RYR3: variants seen among roughly 807,000 people sequenced by gnomAD.
RYR3 encodes the protein ryanodine receptor 3, also known as brain ryanodine receptor-calcium release channel.
RYR3 carries 207 observed loss-of-function variants against 584.3 expected under a neutral mutation model. The ratio of observed to expected loss-of-function variants is 0.35; its 90% confidence interval spans 0.32 to 0.40. The LOEUF is 0.40. RYR3 is among the 10% of genes least tolerant of loss of function. The probability of loss-of-function intolerance (pLI) is 1.00; values close to 1 mark genes in which losing one functional copy is unlikely to be tolerated. For synonymous variants in RYR3, 2,416 were observed against 2,248.5 expected (o/e 1.07, Z -2.11); for missense variants, 5,616 against 6,089.2 (o/e 0.92, Z 2.59).
intron 1 of RYR3, among the ~76,000 whole-genome samples, chr15:33,356,109 G>T (rs532043000): frequency 3.9e-5 from 6 of 152,120 alleles, no homozygotes; most frequent in African/African-American, 1.2e-4. Flanking sequence ...ATACGATGAG[G>T]TTCCATGAAT....
intron 82 of RYR3, among the ~76,000 whole-genome samples, chr15:33,826,024 C>T (rs898030870): frequency 3.9e-5 from 6 of 152,180 alleles, no homozygotes; most frequent in East Asian, 1.9e-4. Context: ...CGTGAGCCAC[C>T]GCACCTGGCC....
At chr15:33,442,200 A>G (rs1177707689) in intron 1 of RYR3, among the ~76,000 whole-genome samples, 3 of 152,238 alleles carry the variant, frequency 2.0e-5, no homozygotes, top group African/African-American at 7.2e-5. Context: ...CTCCAATGAT[A>G]CATTAATTAA....
chr15:33,706,068 C>T (rs1213069099), intron 42 of RYR3, among the ~76,000 whole-genome samples: 1 of 152,052 alleles, frequency 6.6e-6, no homozygotes, highest in Non-Finnish European at 1.5e-5. Context: ...GAATTGGAGG[C>T]TCTTTCTAGC....
In RYR3 at chr15:33,757,712, G is replaced by A. The variant is rs575768808; in HGVS notation, c.8705+116G>A. On this transcript the variant is annotated intron_variant, in intron 60 of 103. Coordinates refer to ENST00000634891, the MANE Select transcript of RYR3 (RefSeq NM_001036.6). ...AGAAATGAAACTGGATGATGTTTTG[G>A]TTTGTCATCTGAGTTTCGAAAGAAA... 1.5e-5 allele frequency: 18 copies of A among 1,187,906 alleles called. No individual in the cohort carries two copies. The South Asian group carries it at 1.6e-4, about 10-fold the overall frequency. The allele number at this position is 1,187,906 out of a possible 1,614,324, so 73.6% of individuals were successfully genotyped here.
At chr15:33,414,122 C>G (rs150307714) in intron 1 of RYR3, among the ~76,000 whole-genome samples, 1 of 152,160 alleles carries the variant, frequency 6.6e-6, no homozygotes, top group African/African-American at 2.4e-5. Context: ...CTACTTCACC[C>G]CCTTGTTAAA....
chr15:33,435,787 T>C (rs573816461), intron 1 of RYR3, among the ~76,000 whole-genome samples: 3 of 152,256 alleles, frequency 2.0e-5, no homozygotes, highest in East Asian at 1.9e-4. Flanking sequence ...TTAAAGGTGG[T>C]GTGGACCCAA....
At chr15:33,853,238 A>C (rs1389921841) in intron 95 of RYR3, among the ~76,000 whole-genome samples, 151 bp downstream of exon 95, 1 of 152,230 alleles carries the variant, frequency 6.6e-6, no homozygotes, top group Non-Finnish European at 1.5e-5. Context: ...TTGGATATGA[A>C]CATATGTAGG....
At chr15:33,528,954 G>A (rs968273104) in intron 3 of RYR3, among the ~76,000 whole-genome samples, 2 of 152,220 alleles carry the variant, frequency 1.3e-5, no homozygotes, top group African/African-American at 4.8e-5. Flanking sequence ...CGTTTGAGAT[G>A]TAGGACTGTT....
At position 33,834,285 on chromosome 15, in the gene RYR3, AACACACAC is replaced by A. The variant is rs61059288; in HGVS notation, c.11464-651_11464-644del. ...GGTGACAGAGCAAAAATCTGTCTTA[AACACACAC>A]ACACACACACACACACACACACACA... On this transcript the variant is annotated intron_variant, in intron 86 of 103. Transcript: ENST00000634891. 5.7e-3 allele frequency among the ~76,000 whole-genome samples: 786 copies of A among 136,946 alleles called. 8 individuals are homozygous for A. Among genetic ancestry groups the A allele is most frequent in the African/African-American group, 0.021 (757 of 35,344 alleles). 89.8% of individuals were successfully genotyped at this position (136,946 alleles called of 152,430 possible).
intron 60 of RYR3, among the ~76,000 whole-genome samples, chr15:33,763,897 A>AC (rs1299044732): frequency 0.013 from 1,595 of 125,238 alleles, 46 homozygotes; most frequent in African/African-American, 0.055. Flanking sequence ...CATCTCAAAA[A>AC]AAAAAAAAAA....
chr15:33,429,985 C>T (rs1354330075), intron 1 of RYR3, among the ~76,000 whole-genome samples: 1 of 152,236 alleles, frequency 6.6e-6, no homozygotes, highest in African/African-American at 2.4e-5. Context: ...GCCCACAGGG[C>T]CTTCTGGCTG....
intron 1 of RYR3, among the ~76,000 whole-genome samples, chr15:33,333,066 CAAA>C (rs1195937254): frequency 4.8e-4 from 27 of 55,740 alleles, no homozygotes; most frequent in Admixed American, 8.5e-4. Context: ...GCCTACCAAC[CAAA>C]AAAAAAAAAA....
intron 1 of RYR3, among the ~76,000 whole-genome samples, chr15:33,380,485 G>A (rs1358467024): frequency 1.3e-5 from 2 of 152,312 alleles, no homozygotes; most frequent in Non-Finnish European, 2.9e-5. Flanking sequence ...CCATGGGAAG[G>A]CTGAACTAGA....
At chr15:33,841,008 A>C in intron 90 of RYR3, 125 bp downstream of exon 90, 1 of 817,750 alleles carries the variant, frequency 1.2e-6, no homozygotes, top group Non-Finnish European at 2.0e-6. Flanking sequence ...ACTTGAACCC[A>C]GGACTTCGAG....
At chr15:33,863,455 A>G (rs1432182997) in intron 102 of RYR3, among the ~76,000 whole-genome samples, 5 of 152,078 alleles carry the variant, frequency 3.3e-5, no homozygotes, top group African/African-American at 1.2e-4. Context: ...CTACTTTCTC[A>G]TATCACCAAC....
intron 1 of RYR3, among the ~76,000 whole-genome samples, chr15:33,355,361 A>C (rs1265521831): frequency 6.6e-6 from 1 of 152,154 alleles, no homozygotes; most frequent in African/African-American, 2.4e-5. Context: ...ACTCGTGCTT[A>C]TGGTAATTAA....
chr15:33,647,894 C>T (rs757567652), intron 30 of RYR3, among the ~76,000 whole-genome samples: 2 of 150,068 alleles, frequency 1.3e-5, no homozygotes, highest in African/African-American at 2.5e-5. Context: ...AAGAAGCCAT[C>T]GCAGAAGATG....
chr15:33,338,827 A>C (rs1482992853), intron 1 of RYR3, among the ~76,000 whole-genome samples: 1 of 152,196 alleles, frequency 6.6e-6, no homozygotes, highest in Non-Finnish European at 1.5e-5. Flanking sequence ...AATTTCATGA[A>C]CATAATGGTG....
intron 42 of RYR3, among the ~76,000 whole-genome samples, chr15:33,701,832 C>A (rs1217080498): frequency 6.6e-6 from 1 of 152,078 alleles, no homozygotes; most frequent in Non-Finnish European, 1.5e-5. Context: ...GTTGGGGAAG[C>A]ATGCCAGGGA....
Sources: gnomAD v4.1 joint callset for allele counts (sites outside exome capture counted in the v4.1 genomes callset) on GRCh38, gnomAD v4.1.1 for gene constraint, MANE v1.5 for transcripts, NCBI Gene and HGNC (gene_info 2026-07-23, HGNC 2026-07-21) for gene names.